Variants in CALN1 observed in about 807,000 individuals in gnomAD.
CALN1 encodes the protein calneuron 1.
CALN1 carries 17 observed loss-of-function variants against 30.6 expected under a neutral mutation model. That is an observed-to-expected ratio of 0.56 (90% CI 0.38 to 0.83). The LOEUF is 0.83. CALN1 is among the 40% of genes least tolerant of loss of function. The pLI is 0.00. For missense variants in CALN1, 291 were observed against 354.9 expected (o/e 0.82, Z 1.45); for synonymous variants, 156 against 131.4 (o/e 1.19, Z -1.28).
In CALN1 at chr7:72,418,506, G is replaced by A. The variant is rs555844885; in HGVS notation, c.-225-6231C>T. Among the ~76,000 whole-genome samples the A allele has an allele frequency of 1.1e-4, 16 of 152,184 alleles. No homozygotes were observed. In the South Asian group the frequency reaches 1.7e-3, roughly 16 times the overall value. On this transcript the variant is annotated intron_variant, in intron 1 of 6. Transcript: ENST00000395276. ...AGGGGCTCTGCCCAGGGTGACTGTCGCACTGCACCCTCCAGGGCTCTGGAA... is the reference window on the plus strand; with the variant it reads ...AGGGGCTCTGCCCAGGGTGACTGTCACACTGCACCCTCCAGGGCTCTGGAA...
intron 3 of CALN1, among the ~76,000 whole-genome samples, chr7:72,176,061 G>T (rs556290964): frequency 6.6e-6 from 1 of 152,092 alleles, no homozygotes; most frequent in Admixed American, 6.5e-5. Context: ...AAGACACACA[G>T]AAACATTCTG....
intron 2 of CALN1, among the ~76,000 whole-genome samples, chr7:72,323,982 TG>T (rs1171618424): frequency 6.6e-6 from 1 of 151,864 alleles, no homozygotes; most frequent in Non-Finnish European, 1.5e-5. Context: ...AGGTTGAGGC[TG>T]TGCCACTGCA....
intron 2 of CALN1, among the ~76,000 whole-genome samples, chr7:72,368,217 ATG>A (rs1217441781): frequency 1.3e-5 from 2 of 150,802 alleles, no homozygotes; most frequent in African/African-American, 4.9e-5. Context: ...ATATATATCT[ATG>A]TGCGTGATAT....
intron 3 of CALN1, among the ~76,000 whole-genome samples, chr7:72,191,665 G>A (rs1321436583): frequency 6.6e-6 from 1 of 151,218 alleles, no homozygotes; most frequent in African/African-American, 2.4e-5. Context: ...AAATCAGGTT[G>A]AACCACAGGT....
At chr7:72,396,338 G>A (rs903365260) in intron 2 of CALN1, among the ~76,000 whole-genome samples, 2 of 149,780 alleles carry the variant, frequency 1.3e-5, no homozygotes, top group African/African-American at 2.5e-5. Context: ...CAGGAGAATC[G>A]CTTGGACCTG....
chr7:72,477,211 C>CAAAAAAAAAA, the CALN1 span, among the ~76,000 whole-genome samples: 208 of 147,256 alleles, frequency 1.4e-3, 2 homozygotes, highest in African/African-American at 5.2e-3. Flanking sequence ...ACTGTCTCAA[C>CAAAAAAAAAA]AAAAAAAGAA....
intron 4 of CALN1, among the ~76,000 whole-genome samples, chr7:72,027,417 A>C (rs905956289): frequency 6.6e-6 from 1 of 152,118 alleles, no homozygotes; most frequent in South Asian, 2.1e-4. Flanking sequence ...ATTTTTGCAA[A>C]GACATCATGA....
At chr7:72,103,705 C>T (rs1049389917) in intron 4 of CALN1, among the ~76,000 whole-genome samples, 12 of 151,794 alleles carry the variant, frequency 7.9e-5, no homozygotes, top group African/African-American at 2.9e-4. Flanking sequence ...CTGCCACTGT[C>T]ACTGGAGAAT....
chr7:71,881,151 T>G (rs1792539599), intron 5 of CALN1, among the ~76,000 whole-genome samples: 1 of 152,174 alleles, frequency 6.6e-6, no homozygotes, highest in African/African-American at 2.4e-5. Context: ...TTCTTCAGCT[T>G]TTGGACTCTT....
At chr7:72,271,645 A>T (rs993500229) in intron 3 of CALN1, among the ~76,000 whole-genome samples, 2 of 146,270 alleles carry the variant, frequency 1.4e-5, no homozygotes, top group Non-Finnish European at 3.0e-5. Flanking sequence ...AGAGATGACA[A>T]ATATGTAGAA....
At chr7:72,348,488 A>AT (rs1704566346) in intron 2 of CALN1, among the ~76,000 whole-genome samples, 1 of 152,358 alleles carries the variant, frequency 6.6e-6, no homozygotes, top group Admixed American at 6.5e-5. Context: ...AAAGGTGGAA[A>AT]TTTTTTATAA....
Position 72,159,783 on chromosome 7 carries a change from G to A in CALN1, c.245-53489C>T, listed in dbSNP as rs902113473. Among the ~76,000 whole-genome samples, 5 of 152,266 alleles carry A rather than the reference G, an allele frequency of 3.3e-5. No individual in the cohort carries two copies. The East Asian group carries it at 9.6e-4, about 29-fold the overall frequency. ...ACTGCACTCCAGCCTGGGTGGCAGA[G>A]TGAGACTTCATTTAAAAAATAATAA... is the stretch of plus-strand genomic sequence containing the variant. On this transcript the variant is annotated intron_variant, in intron 3 of 6. Transcript: ENST00000395275.
At chr7:72,033,171 G>T (rs1801568390) in intron 4 of CALN1, among the ~76,000 whole-genome samples, 1 of 127,852 alleles carries the variant, frequency 7.8e-6, no homozygotes, top group Admixed American at 7.3e-5. Context: ...ACTGCTATGT[G>T]AGTCAAAGTA....
At chr7:72,393,175 A>G (rs1056230523) in intron 2 of CALN1, among the ~76,000 whole-genome samples, 4 of 152,144 alleles carry the variant, frequency 2.6e-5, no homozygotes, top group Non-Finnish European at 4.4e-5. Context: ...TGCCTTAAAA[A>G]CTAGCACTCC....
intron 5 of CALN1, among the ~76,000 whole-genome samples, chr7:71,836,720 C>CA (rs1485996396): frequency 3.3e-5 from 5 of 150,888 alleles, no homozygotes; most frequent in African/African-American, 1.2e-4. Context: ...CAGGTTCAAG[C>CA]AATTCTTGTG....
rs11352227 is a variant in CALN1 at position 72,290,926 on chromosome 7, A to ATT, written c.120-12118_120-12117dup. Among the ~76,000 whole-genome samples the ATT allele has an allele frequency of 1.8e-3, 260 of 143,498 alleles. 1 individual carries two copies. The highest frequency in any genetic ancestry group is 3.9e-3 in the East Asian group (19 of 4,862). The allele number at this position is 143,498 out of a possible 152,430, so 94.1% of individuals were successfully genotyped here. A position where few individuals can be genotyped will look rare whatever the true frequency, so the allele number is the denominator to read the frequency against. On this transcript the variant is annotated intron_variant, in intron 2 of 6. Coordinates refer to ENST00000395275, the MANE Select transcript of CALN1 (RefSeq NM_031468.4). ...CTATACTTTCTTTCACCTTTTAACC[A>ATT]TTTTTTTTTTTTTTGAGACAGAGAT...
chr7:72,481,125 G>GT, the CALN1 span, among the ~76,000 whole-genome samples: 1 of 152,120 alleles, frequency 6.6e-6, no homozygotes, highest in African/African-American at 2.4e-5. Flanking sequence ...GCTAATTTTT[G>GT]TTTTTCTGGT....
intron 3 of CALN1, among the ~76,000 whole-genome samples, chr7:72,275,347 C>T (rs1416380304): frequency 6.6e-6 from 1 of 152,046 alleles, no homozygotes; most frequent in African/African-American, 2.4e-5. Flanking sequence ...GCAAACTATG[C>T]CCTGGAAACT....
At chr7:72,485,442 T>C in the CALN1 span, among the ~76,000 whole-genome samples, 2 of 152,258 alleles carry the variant, frequency 1.3e-5, no homozygotes, top group Admixed American at 1.3e-4. Flanking sequence ...TTTGCTATTT[T>C]AATTTAATCA....
Sources: gnomAD v4.1 joint callset for allele counts (sites outside exome capture counted in the v4.1 genomes callset) on GRCh38, gnomAD v4.1.1 for gene constraint, MANE v1.5 for transcripts, NCBI Gene and HGNC (gene_info 2026-07-23, HGNC 2026-07-21) for gene names.